PTPRD: variants seen among roughly 807,000 people sequenced by gnomAD.
PTPRD encodes the protein receptor-type tyrosine-protein phosphatase delta.
In PTPRD, 34 loss-of-function variants were observed where a neutral mutation model predicts 214.5. That is an observed-to-expected ratio of 0.16 (90% CI 0.12 to 0.21). The LOEUF (loss-of-function observed/expected upper bound fraction) is 0.21. Ranked by LOEUF, PTPRD falls within the 10% of genes least tolerant of loss-of-function variation. PTPRD has a pLI of 1.00. For synonymous variants in PTPRD, 1,128 were observed against 845.7 expected (o/e 1.33, Z -5.79); for missense variants, 2,545 against 2,398.7 (o/e 1.06, Z -1.27).
At chr9:9,814,973 T>A (rs1292704310) in intron 5 of PTPRD, among the ~76,000 whole-genome samples, 1 of 151,814 alleles carries the variant, frequency 6.6e-6, no homozygotes, top group Admixed American at 6.6e-5. Flanking sequence ...CTAATTTTTA[T>A]ATGGTCTCAA....
At chr9:8,905,250 A>G (rs763056921) in intron 11 of PTPRD, among the ~76,000 whole-genome samples, 1 of 151,924 alleles carries the variant, frequency 6.6e-6, no homozygotes, top group Non-Finnish European at 1.5e-5. Flanking sequence ...TAATTTGGCC[A>G]TGGTTTGCAT....
intron 9 of PTPRD, among the ~76,000 whole-genome samples, chr9:9,332,870 T>A (rs191190218): frequency 4.1e-4 from 63 of 152,124 alleles, no homozygotes; most frequent in African/African-American, 1.3e-3. Context: ...TGGATACATG[T>A]GCTATATTTC....
intron 2 of PTPRD, among the ~76,000 whole-genome samples, chr9:10,364,646 T>C (rs1010836501): frequency 2.6e-5 from 4 of 152,206 alleles, no homozygotes; most frequent in Non-Finnish European, 4.4e-5. Flanking sequence ...GCAACTTACA[T>C]GTCACAGATT....
intron 8 of PTPRD, among the ~76,000 whole-genome samples, chr9:9,437,624 C>T (rs1050296535): frequency 6.6e-6 from 1 of 152,134 alleles, no homozygotes; most frequent in Non-Finnish European, 1.5e-5. Context: ...AGCTGAACTT[C>T]TTTTAAGATG....
intron 3 of PTPRD, among the ~76,000 whole-genome samples, chr9:10,171,024 T>C (rs1182366299): frequency 6.6e-6 from 1 of 152,182 alleles, no homozygotes; most frequent in African/African-American, 2.4e-5. Flanking sequence ...ATTTGGTGCT[T>C]GGCACATATT....
At chr9:8,787,421 C>T (rs1012518279) in intron 11 of PTPRD, among the ~76,000 whole-genome samples, 2 of 152,138 alleles carry the variant, frequency 1.3e-5, no homozygotes, top group Non-Finnish European at 2.9e-5. Flanking sequence ...TGTTCCCTGC[C>T]CTTTATCTTA....
At chr9:9,775,974 A>AAAAAAAAAAAAAAAAAAC in intron 5 of PTPRD, among the ~76,000 whole-genome samples, 1 of 151,104 alleles carries the variant, frequency 6.6e-6, no homozygotes, top group Middle Eastern at 3.2e-3. Context: ...AAAAAAAAAA[A>AAAAAAAAAAAAAAAAAAC]AAAAAGCAAA....
intron 5 of PTPRD, among the ~76,000 whole-genome samples, chr9:9,774,766 T>C (rs534501456): frequency 1.3e-5 from 2 of 152,326 alleles, no homozygotes; most frequent in East Asian, 3.9e-4. Context: ...TTACAGTGTG[T>C]CATAGCCTTA....
chr9:9,734,382 T>G (rs949492833), intron 7 of PTPRD, among the ~76,000 whole-genome samples, 151 bp downstream of exon 7: 7 of 152,130 alleles, frequency 4.6e-5, no homozygotes, highest in Non-Finnish European at 1.0e-4. Flanking sequence ...TAACTGGACT[T>G]ATGAGATTCA....
chr9:8,946,798 G>A (rs1488712674), intron 11 of PTPRD, among the ~76,000 whole-genome samples: 1 of 151,976 alleles, frequency 6.6e-6, no homozygotes, highest in Non-Finnish European at 1.5e-5. Flanking sequence ...CTCAATTACT[G>A]TGACCCTTTG....
At chr9:9,956,836 T>A (rs923664392) in intron 4 of PTPRD, among the ~76,000 whole-genome samples, 31 of 152,180 alleles carry the variant, frequency 2.0e-4, no homozygotes, top group African/African-American at 7.2e-4. Context: ...CTTCTCCACA[T>A]AAAATAGAAA....
At chr9:10,054,320 G>T (rs560892809) in intron 3 of PTPRD, among the ~76,000 whole-genome samples, 1 of 152,054 alleles carries the variant, frequency 6.6e-6, no homozygotes, top group Non-Finnish European at 1.5e-5. Flanking sequence ...AATTTTATGC[G>T]TCTCTCATTC....
At position 8,818,958 on chromosome 9, in the gene PTPRD, G is replaced by A. The variant is rs567623309; in HGVS notation, c.-103-85012C>T. 2.6e-4 allele frequency among the ~76,000 whole-genome samples: 39 copies of A among 152,260 alleles called. No individual in the cohort carries two copies. In the East Asian group the frequency reaches 3.3e-3, roughly 13 times the overall value. Reference sequence around the variant, plus strand: ...GAATCTGGTAACTAACCAGGAAAACGACATAGCACTCTAGTCCACTACTAG... The same window carrying A: ...GAATCTGGTAACTAACCAGGAAAACAACATAGCACTCTAGTCCACTACTAG... On this transcript the variant is annotated intron_variant, in intron 11 of 45. Coordinates refer to ENST00000381196, the MANE Select transcript of PTPRD (RefSeq NM_002839.4).
intron 3 of PTPRD, among the ~76,000 whole-genome samples, chr9:10,269,153 T>G (rs1292898344): frequency 6.6e-6 from 1 of 152,002 alleles, no homozygotes; most frequent in Non-Finnish European, 1.5e-5. Context: ...GCCCCATACC[T>G]TGAACATACC....
chr9:8,985,217 C>A lies in PTPRD; in HGVS notation c.-104+33480G>T, dbSNP rs188127808. ...TTAGGAGAACAACTATCTTACATACCAAGGATATACTAGGCATATGTATGC... is the reference window on the plus strand; with the variant it reads ...TTAGGAGAACAACTATCTTACATACAAAGGATATACTAGGCATATGTATGC... On this transcript the variant is annotated intron_variant, in intron 11 of 45. Coordinates refer to ENST00000381196, the MANE Select transcript of PTPRD (RefSeq NM_002839.4). Among the ~76,000 whole-genome samples, 598 of 151,906 alleles carry A rather than the reference C, an allele frequency of 3.9e-3. 4 individuals are homozygous for A. The highest frequency in any genetic ancestry group is 0.014 in the African/African-American group (571 of 41,452).
chr9:8,734,518 G>A (rs919533521), intron 11 of PTPRD, among the ~76,000 whole-genome samples: 2 of 152,216 alleles, frequency 1.3e-5, no homozygotes, highest in African/African-American at 4.8e-5. Flanking sequence ...TTCAAGTCTA[G>A]TTTGGCATCA....
intron 44 of PTPRD, among the ~76,000 whole-genome samples, chr9:8,321,697 G>A (rs964420702): frequency 1.3e-5 from 2 of 151,366 alleles, no homozygotes; most frequent in Admixed American, 1.3e-4. Flanking sequence ...TTTCCTTAGA[G>A]ATTATTTTAG....
At chr9:8,734,148 C>T (rs928615326) in intron 11 of PTPRD, among the ~76,000 whole-genome samples, 25 of 152,250 alleles carry the variant, frequency 1.6e-4, no homozygotes, top group African/African-American at 4.3e-4. Flanking sequence ...TTAGACTATC[C>T]GGGTTTGTGT....
At chr9:9,789,121 G>C (rs895094045) in intron 5 of PTPRD, among the ~76,000 whole-genome samples, 12 of 152,072 alleles carry the variant, frequency 7.9e-5, no homozygotes, top group African/African-American at 1.4e-4. Context: ...TCCATACATA[G>C]TATTTATTGT....
Sources: gnomAD v4.1 joint callset for allele counts (sites outside exome capture counted in the v4.1 genomes callset) on GRCh38, gnomAD v4.1.1 for gene constraint, MANE v1.5 for transcripts, NCBI Gene and HGNC (gene_info 2026-07-23, HGNC 2026-07-21) for gene names.